Variants in SDK1 observed in about 807,000 individuals in gnomAD.
The protein encoded by SDK1 is protein sidekick-1.
SDK1 carries 157 observed loss-of-function variants against 245.5 expected under a neutral mutation model. The ratio of observed to expected loss-of-function variants is 0.64; its 90% CI spans 0.56 to 0.73. The LOEUF (loss-of-function observed/expected upper bound fraction) is 0.73, where lower values mean the gene tolerates loss of function less well. Among genes scored for constraint, SDK1 ranks in the 30% least tolerant of loss-of-function variants. The pLI, the probability that SDK1 is intolerant of heterozygous loss-of-function variation, is 0.00. For synonymous variants in SDK1, 1,647 were observed against 1,278.5 expected (o/e 1.29, Z -6.15); for missense variants, 3,583 against 3,002.3 (o/e 1.19, Z -4.52).
chr7:3,959,121 G>A, intron 8 of SDK1, 107 bp downstream of exon 8: 1 of 873,844 alleles, frequency 1.1e-6, no homozygotes, highest in Non-Finnish European at 1.9e-6. Flanking sequence ...TGAGTGTGAT[G>A]GCGAAGAGCA....
rs1781666571 is a variant in SDK1, at chr7:4,089,688, A to C, written c.3324+10104A>C. Among the ~76,000 whole-genome samples, 5 of 152,216 alleles carry C rather than the reference A, an allele frequency of 3.3e-5. No individual in the cohort carries two copies. The South Asian group carries it at 1.0e-3, about 32-fold the overall frequency. On this transcript the variant is annotated intron_variant, in intron 22 of 44. Coordinates refer to ENST00000404826, the MANE Select transcript of SDK1 (RefSeq NM_152744.4). Reference sequence around the variant, plus strand: ...GGCTGCCTGACTCCTGGGCCAGCTCACAGCCTGCAGCCAGTGGTTAAACAT... The same window carrying C: ...GGCTGCCTGACTCCTGGGCCAGCTCCCAGCCTGCAGCCAGTGGTTAAACAT...
At chr7:3,438,949 T>A (rs769621938) in intron 1 of SDK1, among the ~76,000 whole-genome samples, 2 of 150,012 alleles carry the variant, frequency 1.3e-5, no homozygotes, top group Non-Finnish European at 2.9e-5. Context: ...GCCTCCTGGG[T>A]TGAAGTGATT....
rs1051098850 is a variant in SDK1, at chr7:4,121,903, G to C, written c.3824-5478G>C. Among the ~76,000 whole-genome samples the C allele has an allele frequency of 4.6e-5, 7 of 152,210 alleles. No homozygotes were observed. The South Asian group carries it at 1.5e-3, about 32-fold the overall frequency. The stretch of plus-strand genomic sequence containing the variant: ...ACTGGTGCAACACATATTGCTCTGG[G>C]AAAAAAAGTTTTGGTTCACGTGTTT... On this transcript the variant is annotated intron_variant, in intron 25 of 44. Coordinates refer to ENST00000404826, the MANE Select transcript of SDK1 (RefSeq NM_152744.4).
At position 4,162,356 on chromosome 7, in the gene SDK1, GGTT is replaced by G. The variant is rs373778675; in HGVS notation, c.4800+513_4800+515del. On this transcript the variant is annotated intron_variant, in intron 32 of 44. Transcript: ENST00000404826. ...GGGGGTGGGTGGTGGTGGTGGTGGTGGTTGTTGTTGTTGTTATTATTATTATTA... is the reference window on the plus strand; with the variant it reads ...GGGGGTGGGTGGTGGTGGTGGTGGTGGTTGTTGTTGTTATTATTATTATTA... Among the ~76,000 whole-genome samples the G allele has an allele frequency of 1.1e-3, 131 of 121,948 alleles. 1 individual carries two copies. The South Asian group carries it at 0.024, about 22-fold the overall frequency. 80.0% of individuals were successfully genotyped at this position (121,948 alleles called of 152,430 possible). A position where few individuals can be genotyped will look rare whatever the true frequency, so the allele number is the denominator to read the frequency against.
chr7:4,204,447 GA>G (rs1001110651), intron 35 of SDK1, among the ~76,000 whole-genome samples: 3 of 151,768 alleles, frequency 2.0e-5, no homozygotes, highest in African/African-American at 7.3e-5. Flanking sequence ...CACACAGTTA[GA>G]ACAAAATAAA....
chr7:3,974,958 C>T (rs1328956512), intron 13 of SDK1, among the ~76,000 whole-genome samples: 1 of 152,162 alleles, frequency 6.6e-6, no homozygotes, highest in African/African-American at 2.4e-5. Flanking sequence ...CCGTGAAAGC[C>T]ACCTAGACTT....
chr7:3,915,280 T>A (rs922147547), intron 5 of SDK1, among the ~76,000 whole-genome samples: 1 of 151,746 alleles, frequency 6.6e-6, no homozygotes, highest in Non-Finnish European at 1.5e-5. Context: ...GCCAGGGGAG[T>A]CTTTGGTAGG....
chr7:3,902,635 T>C (rs1044481657), intron 5 of SDK1, among the ~76,000 whole-genome samples: 6 of 152,216 alleles, frequency 3.9e-5, no homozygotes, highest in African/African-American at 1.2e-4. Flanking sequence ...TTGAATAATA[T>C]ATTTGTGGAT....
chr7:3,514,125 A>T (rs1243101428), intron 1 of SDK1, among the ~76,000 whole-genome samples: 1 of 152,170 alleles, frequency 6.6e-6, no homozygotes, highest in Non-Finnish European at 1.5e-5. Context: ...GGACGACAAG[A>T]CAGGTTATCA....
At chr7:3,554,937 C>T (rs186897491) in intron 1 of SDK1, among the ~76,000 whole-genome samples, 129 of 152,024 alleles carry the variant, frequency 8.5e-4, no homozygotes, top group African/African-American at 2.7e-3. Flanking sequence ...GAAGAGGACA[C>T]GCAAAAAAAT....
At chr7:4,144,473 G>T (rs1334724996) in intron 28 of SDK1, among the ~76,000 whole-genome samples, 1 of 133,756 alleles carries the variant, frequency 7.5e-6, no homozygotes, top group Non-Finnish European at 1.7e-5. Context: ...ATGGTGAGCG[G>T]TGATGCCTGG....
chr7:3,893,804 C>T (rs1438025792), intron 5 of SDK1, among the ~76,000 whole-genome samples: 2 of 151,936 alleles, frequency 1.3e-5, no homozygotes, highest in South Asian at 2.1e-4. Context: ...ATTTCGTGAT[C>T]CCAGTCACCT....
intron 1 of SDK1, among the ~76,000 whole-genome samples, chr7:3,394,830 T>A (rs1406586738): frequency 5.9e-5 from 9 of 152,110 alleles, no homozygotes; most frequent in African/African-American, 2.2e-4. Flanking sequence ...ATAATTGATT[T>A]TTATATATTG....
At chr7:3,765,847 A>G (rs555105054) in intron 4 of SDK1, among the ~76,000 whole-genome samples, 41 of 152,282 alleles carry the variant, frequency 2.7e-4, no homozygotes, top group South Asian at 8.3e-4. Flanking sequence ...AGGAGGCATT[A>G]TTAAATATTA....
chr7:4,115,353 G>C (rs993166791), intron 25 of SDK1, among the ~76,000 whole-genome samples: 8 of 152,164 alleles, frequency 5.3e-5, no homozygotes, highest in Admixed American at 5.2e-4. Context: ...TCCAGACATG[G>C]GATGAGGAGG....
chr7:4,031,678 T>C (rs1428848559), intron 17 of SDK1, among the ~76,000 whole-genome samples: 3 of 152,094 alleles, frequency 2.0e-5, no homozygotes, highest in Non-Finnish European at 2.9e-5. Context: ...ATATAGCAAA[T>C]ATATGTAGCT....
At position 3,642,028 on chromosome 7, in the gene SDK1, G is replaced by C; in HGVS notation, c.636G>C (p.Leu212=). 1 of 1,613,968 alleles carries C rather than the reference G, an allele frequency of 6.2e-7. No homozygotes were observed. ...VSQGRAAILN[L]LPITSYPRPQ... is the part of the protein sequence containing the mutation. ...AAGGACGTGCAGCGATTCTAAACCT[G>C]CTGCCCATCACCAGCTACCCCAGAC... The change falls in exon 4 of 45, where the codon CTG becomes CTC. Residue 212 remains leucine, a synonymous_variant. Transcript: ENST00000404826.
chr7:3,789,803 G>T (rs898440101), intron 4 of SDK1, among the ~76,000 whole-genome samples: 1 of 152,106 alleles, frequency 6.6e-6, no homozygotes, highest in African/African-American at 2.4e-5. Context: ...AGGATAGAAA[G>T]CACTTGGAGA....
chr7:3,661,472 C>G (rs750126671), intron 4 of SDK1, among the ~76,000 whole-genome samples: 24 of 152,160 alleles, frequency 1.6e-4, no homozygotes, highest in African/African-American at 2.4e-4. Flanking sequence ...CCGCCTTCAT[C>G]TATCACACGC....
Sources: allele counts gnomAD v4.1 joint callset (sites outside exome capture counted in the v4.1 genomes callset), GRCh38; gene constraint gnomAD v4.1.1; transcripts MANE v1.5; gene names NCBI Gene and HGNC (gene_info 2026-07-23, HGNC 2026-07-21).